Variants in DPP9 observed in about 807,000 individuals in gnomAD.
The protein encoded by DPP9 is dipeptidyl peptidase 9, also known as dipeptidyl peptidase IV-related protein-2.
A neutral mutation model predicts 110.7 loss-of-function variants in DPP9; 50 were observed. The ratio of observed to expected loss-of-function variants is 0.45; its 90% CI spans 0.36 to 0.57. The LOEUF (loss-of-function observed/expected upper bound fraction) is 0.57. Ranked by LOEUF, DPP9 falls within the 20% of genes least tolerant of loss-of-function variation. DPP9 has a pLI of 0.00. For missense variants in DPP9, 1,022 were observed against 1,217.9 expected (o/e 0.84, Z 2.39); for synonymous variants, 561 against 514.4 (o/e 1.09, Z -1.23).
chr19:4,679,997 G>A, intron 20 of DPP9, 51 bp from the exon 21 acceptor site: 2 of 1,362,400 alleles, frequency 1.5e-6, no homozygotes, highest in East Asian at 2.4e-5. Flanking sequence ...CCGTGGGGTA[G>A]GAGGGGAGCA....
intron 20 of DPP9, among the ~76,000 whole-genome samples, chr19:4,680,306 G>C (rs2089658569): frequency 6.6e-6 from 1 of 151,654 alleles, no homozygotes; most frequent in South Asian, 2.1e-4. Flanking sequence ...TGTGCAGGCT[G>C]AGGCGGGAGG....
rs779539937 is a variant in DPP9, at chr19:4,710,058, C to T, written c.313+4023G>A. On this transcript the variant is annotated intron_variant, in intron 4 of 21. Transcript: ENST00000262960. The surrounding 1 kb of genome is among the most constrained non-coding windows in gnomAD (Gnocchi z 5.6). The stretch of plus-strand genomic sequence containing the variant: ...CTTTGAGGCAAGGGCTAGAGGTGAC[C>T]GCCAAGGGCTGTGGATTTCTGCTGC... 2.0e-5 allele frequency among the ~76,000 whole-genome samples: 3 copies of T among 152,316 alleles called. No homozygotes were observed. Among genetic ancestry groups the T allele is most frequent in the East Asian group, 1.9e-4 (1 of 5,176 alleles).
In DPP9 at chr19:4,695,258, C is replaced by G. The variant is rs974591437; in HGVS notation, c.1353+120G>C. 2 of 1,170,970 alleles carry G rather than the reference C, an allele frequency of 1.7e-6. No homozygotes were observed. Among genetic ancestry groups the G allele is most frequent in the Non-Finnish European group, 2.3e-6 (2 of 854,630 alleles). 72.5% of individuals were successfully genotyped at this position (1,170,970 alleles called of 1,614,324 possible). On this transcript the variant is annotated intron_variant, in intron 12 of 21. Coordinates refer to ENST00000262960, the MANE Select transcript of DPP9 (RefSeq NM_139159.5). This position sits in a 1 kb window ranked among gnomAD's most constrained non-coding sequence, Gnocchi z 4.7. ...CAGGGATGGCCAAGGCCTGAGCTCA[C>G]TTCTCCACACAAGGGCAAACACCAC...
At chr19:4,720,311 C>G (rs1483625650) in intron 2 of DPP9, among the ~76,000 whole-genome samples, 1 of 152,196 alleles carries the variant, frequency 6.6e-6, no homozygotes, top group East Asian at 1.9e-4. Context: ...ACTTGCTTCA[C>G]CCTTGACCAT....
At chr19:4,683,162 C>T (rs2090167361) in intron 19 of DPP9, 2 of 1,438,866 alleles carry the variant, frequency 1.4e-6, no homozygotes, top group Non-Finnish European at 1.8e-6. Context: ...CCTGGGGCCC[C>T]CCCGCCGCTC....
rs970208091 is a variant in DPP9, at chr19:4,718,593, G to A, written c.56+1258C>T. Reference sequence around the variant, plus strand: ...CCCAAACTGCCCCCAGCACTGCCTGGGCCTTTAGCTTTGATGAGCAACCTT... The same window carrying A: ...CCCAAACTGCCCCCAGCACTGCCTGAGCCTTTAGCTTTGATGAGCAACCTT... On this transcript the variant is annotated intron_variant, in intron 3 of 21. Transcript: ENST00000262960. This position sits in a 1 kb window ranked among gnomAD's most constrained non-coding sequence, Gnocchi z 4.3. Among the ~76,000 whole-genome samples the A allele has an allele frequency of 6.6e-6, 1 of 152,198 alleles. No individual in the cohort carries two copies. Among genetic ancestry groups the A allele is most frequent in the Non-Finnish European group, 1.5e-5 (1 of 68,016 alleles).
chr19:4,716,364 A>G (rs1302941772), intron 3 of DPP9, among the ~76,000 whole-genome samples: 3 of 152,160 alleles, frequency 2.0e-5, no homozygotes, highest in Non-Finnish European at 4.4e-5. Flanking sequence ...TTGGCCGGGC[A>G]CAGTGGCTCA....
chr19:4,688,015 C>CTCGA (rs1212280519), intron 16 of DPP9, among the ~76,000 whole-genome samples: 3 of 152,178 alleles, frequency 2.0e-5, no homozygotes, highest in African/African-American at 7.2e-5. Context: ...CCAGGATGGT[C>CTCGA]TCGATCTCCT....
At chr19:4,688,620 T>C (rs1385937453) in intron 16 of DPP9, 137 bp downstream of exon 16, 5 of 1,130,800 alleles carry the variant, frequency 4.4e-6, no homozygotes, top group Non-Finnish European at 5.8e-6. Context: ...TCCCAGATGC[T>C]TGGAGGGGCC....
At chr19:4,699,238 G>A (rs1167576688) in intron 10 of DPP9, among the ~76,000 whole-genome samples, 1 of 150,836 alleles carries the variant, frequency 6.6e-6, no homozygotes, top group African/African-American at 2.4e-5. Context: ...TTTTGCAAGA[G>A]CACACAAGGG....
At chr19:4,708,838 G>C (rs1348293920) in intron 4 of DPP9, among the ~76,000 whole-genome samples, 1 of 152,194 alleles carries the variant, frequency 6.6e-6, no homozygotes, top group Non-Finnish European at 1.5e-5. Flanking sequence ...GTACTAGCCT[G>C]GGTGATGAAA....
Position 4,710,604 on chromosome 19 carries a change from C to T in DPP9, c.313+3477G>A, listed in dbSNP as rs2092787525. On this transcript the variant is annotated intron_variant, in intron 4 of 21. Coordinates refer to ENST00000262960, the MANE Select transcript of DPP9 (RefSeq NM_139159.5). This position sits in a 1 kb window ranked among gnomAD's most constrained non-coding sequence, Gnocchi z 5.6. ...CCAGTGATTAGCTCCACATGCCCCACAGCAAACCTGGTGCCTGCTGAGGGG... is the reference window on the plus strand; with the variant it reads ...CCAGTGATTAGCTCCACATGCCCCATAGCAAACCTGGTGCCTGCTGAGGGG... Among the ~76,000 whole-genome samples, 1 of 152,220 alleles carries T rather than the reference C, an allele frequency of 6.6e-6. No homozygotes were observed. Among genetic ancestry groups the T allele is most frequent in the South Asian group, 2.1e-4 (1 of 4,830 alleles).
chr19:4,722,767 G>A, intron 1 of DPP9: 2 of 552,730 alleles, frequency 3.6e-6, no homozygotes, highest in East Asian at 6.3e-5. Flanking sequence ...GGACCCAGCA[G>A]AGGAATGCAG....
Position 4,690,934 on chromosome 19 carries a change from C to T in DPP9, c.1540G>A (p.Glu514Lys). Reference protein sequence around the residue: ...GEDEFKCPIKEEIALTSGEWE... With the variant: ...GEDEFKCPIKKEIALTSGEWE... ...TCACCGCTGGTCAGAGCAATCTCTT[C>T]CTTAATGGGGCACTTAAATTCATCT... The change falls in exon 14 of 22, where the codon GAA (glutamate) becomes AAA (lysine). Residue 514 changes from glutamate (E) to lysine (K), a missense_variant. By Grantham distance (56) the Glu-to-Lys change is moderately conservative (BLOSUM62 1). Around this residue, in one of 3 missense-constraint regions of DPP9, gnomAD observed 810 missense variants for 920.6 expected, o/e 0.88. Transcript: ENST00000262960. The T allele has an allele frequency of 1.2e-6, 2 of 1,613,226 alleles. No individual in the cohort carries two copies. The highest frequency in any genetic ancestry group is 1.7e-6 in the Non-Finnish European group (2 of 1,179,640).
In DPP9 at chr19:4,684,882, T is replaced by TGGGCTGGGGACCGGGCC. The variant is rs760485373; in HGVS notation, c.2032-90_2032-74dup. On this transcript the variant is annotated intron_variant, in intron 17 of 21. Coordinates refer to ENST00000262960, the MANE Select transcript of DPP9 (RefSeq NM_139159.5). This position sits in a 1 kb window ranked among gnomAD's most constrained non-coding sequence, Gnocchi z 4.8. ...ACGGGCCTGGCAGGGGAGATGCCGG[T>TGGGCTGGGGACCGGGCC]GGGCTGGGGACCGGGCCGGGCTGGG... 6.5e-7 allele frequency: 1 copy of TGGGCTGGGGACCGGGCC among 1,546,330 alleles called. No homozygotes were observed. Among genetic ancestry groups the TGGGCTGGGGACCGGGCC allele is most frequent in the African/African-American group, 1.4e-5 (1 of 72,984 alleles).
Position 4,682,575 on chromosome 19 carries a change from C to A in DPP9, c.2474+121G>T. On this transcript the variant is annotated intron_variant, in intron 20 of 21. Transcript: ENST00000262960. The surrounding 1 kb of genome is among the most constrained non-coding windows in gnomAD (Gnocchi z 7.1). ...ACAGGAGCACAGCGGGGAGGCTCCA[C>A]ATGGCCTGAGGCTCCCTGGGCAGGG... 1 of 1,431,664 alleles carries A rather than the reference C, an allele frequency of 7.0e-7. No individual in the cohort carries two copies. Among genetic ancestry groups the A allele is most frequent in the Non-Finnish European group, 9.4e-7 (1 of 1,066,144 alleles). The allele number at this position is 1,431,664 out of a possible 1,614,324, so 88.7% of individuals were successfully genotyped here.
At chr19:4,703,636 G>C (rs554983913) in intron 7 of DPP9, among the ~76,000 whole-genome samples, 1 of 150,834 alleles carries the variant, frequency 6.6e-6, no homozygotes, top group African/African-American at 2.4e-5. Flanking sequence ...GCTCCCGCCT[G>C]GGCAACTGCA....
chr19:4,683,674 T>C, intron 18 of DPP9, 45 bp from the exon 19 acceptor site: 1 of 1,613,004 alleles, frequency 6.2e-7, no homozygotes, highest in African/African-American at 1.3e-5. Context: ...CCTCCCGGTA[T>C]GTCCCTCCCC....
rs1198167964 is a variant in DPP9, at chr19:4,684,635, A to G, written c.2178+28T>C. The G allele has an allele frequency of 2.5e-6, 4 of 1,612,010 alleles. No homozygotes were observed. Among genetic ancestry groups the G allele is most frequent in the East Asian group, 2.2e-5 (1 of 44,816 alleles). On this transcript the variant is annotated intron_variant, in intron 18 of 21. Transcript: ENST00000262960. The surrounding 1 kb of genome is among the most constrained non-coding windows in gnomAD (Gnocchi z 4.8). The stretch of plus-strand genomic sequence containing the variant: ...GGGCTCCCTTCCCGAGACCCAAAGG[A>G]CCCAGAGCAACAGGGAGGAGTTGTT...
Sources: gnomAD v4.1 joint callset for allele counts (sites outside exome capture counted in the v4.1 genomes callset) on GRCh38, gnomAD v4.1.1 for gene constraint, gnomAD v4.1.1 regional missense constraint, Gnocchi (gnomAD v3.1) non-coding constraint, MANE v1.5 for transcripts, NCBI Gene and HGNC (gene_info 2026-07-23, HGNC 2026-07-21) for gene names.